The following KDELR2 variants were observed in gnomAD, a reference collection of about 807,000 sequenced individuals.
KDELR2 encodes ER lumen protein-retaining receptor 2.
A neutral mutation model predicts 23.9 loss-of-function variants in KDELR2; 15 were observed. The observed-to-expected ratio is 0.63, with a 90% CI of 0.42 to 0.97. The LOEUF (loss-of-function observed/expected upper bound fraction) is 0.97, where lower values mean the gene tolerates loss of function less well. Among genes scored for constraint, KDELR2 ranks in the 50% least tolerant of loss-of-function variants. KDELR2 has a pLI of 0.00. For missense variants in KDELR2, 272 were observed against 254.6 expected (o/e 1.07, Z -0.46); for synonymous variants, 119 against 106.2 (o/e 1.12, Z -0.74).
intron 2 of KDELR2, among the ~76,000 whole-genome samples, chr7:6,471,835 A>T (rs572627884): frequency 2.6e-5 from 4 of 152,174 alleles, no homozygotes; most frequent in African/African-American, 7.2e-5. Context: ...TGTGAATGTA[A>T]GTTTTCACTT....
At chr7:6,472,954 C>G (rs1394702176) in intron 2 of KDELR2, among the ~76,000 whole-genome samples, 1 of 144,234 alleles carries the variant, frequency 6.9e-6, no homozygotes, top group Non-Finnish European at 1.5e-5. Context: ...GGCTGCCAGG[C>G]TGGAGGGCAG....
chr7:6,482,685 C>A, intron 1 of KDELR2: 1 of 351,726 alleles, frequency 2.8e-6, no homozygotes, highest in South Asian at 2.1e-5. Flanking sequence ...CCAGATAATT[C>A]AGGATCATCT....
intron 1 of KDELR2, 40 bp downstream of exon 1, chr7:6,483,927 C>G: frequency 7.0e-7 from 1 of 1,427,972 alleles, no homozygotes; most frequent in Non-Finnish European, 9.3e-7. Context: ...AGACCCGGCC[C>G]CCACGCCCGA....
intron 3 of KDELR2, among the ~76,000 whole-genome samples, chr7:6,468,938 C>T (rs921730984): frequency 5.9e-5 from 9 of 151,622 alleles, no homozygotes; most frequent in African/African-American, 2.2e-4. Context: ...GCCACCAGGC[C>T]CAGACCTAAA....
chr7:6,462,942 T>TA lies in KDELR2; in HGVS notation c.*198dup, dbSNP rs1785418119. Reference sequence around the variant, plus strand: ...GTAAAAAAATCTTTGTACACAGTAATAAAAAAAGATAAGGCAAGATGCATT... The same window carrying TA: ...GTAAAAAAATCTTTGTACACAGTAATAAAAAAAAGATAAGGCAAGATGCATT... On this transcript the variant is annotated 3_prime_UTR_variant, in exon 5 of 5. Transcript: ENST00000258739. The TA allele has an allele frequency of 1.9e-6, 3 of 1,584,392 alleles. No homozygotes were observed. Among genetic ancestry groups the TA allele is most frequent in the South Asian group, 2.3e-5 (2 of 86,900 alleles).
intron 3 of KDELR2, among the ~76,000 whole-genome samples, 158 bp from the exon 4 acceptor site, chr7:6,466,481 G>A (rs1785507267): frequency 1.3e-5 from 2 of 152,122 alleles, no homozygotes; most frequent in Admixed American, 6.6e-5. Context: ...GCATAACCCA[G>A]TGGTCCCAGC....
At chr7:6,481,692 C>G (rs1332717762) in intron 1 of KDELR2, among the ~76,000 whole-genome samples, 2 of 152,100 alleles carry the variant, frequency 1.3e-5, no homozygotes, top group African/African-American at 4.8e-5. Flanking sequence ...TGCACTCCAG[C>G]CTGGGGGACA....
intron 4 of KDELR2, among the ~76,000 whole-genome samples, chr7:6,465,843 G>C (rs1472228461): frequency 6.6e-6 from 1 of 152,162 alleles, no homozygotes; most frequent in African/African-American, 2.4e-5. Context: ...AACACCAGAT[G>C]AATCTTTTAC....
chr7:6,471,949 G>A (rs1785654436), intron 2 of KDELR2, among the ~76,000 whole-genome samples: 2 of 151,148 alleles, frequency 1.3e-5, no homozygotes, highest in Non-Finnish European at 2.9e-5. Context: ...TCACCAGGCT[G>A]GAGTGCAGTG....
chr7:6,469,776 C>T (rs777523273), intron 2 of KDELR2, 22 bp from the exon 3 acceptor site: 3 of 1,595,820 alleles, frequency 1.9e-6, no homozygotes, highest in African/African-American at 2.7e-5. Flanking sequence ...AGAAAAAACA[C>T]CAGGTGTCAA....
chr7:6,473,432 G>A (rs1785693550), intron 2 of KDELR2, among the ~76,000 whole-genome samples: 2 of 152,136 alleles, frequency 1.3e-5, no homozygotes, highest in Admixed American at 6.6e-5. Context: ...TGAAGCTCAC[G>A]TAGTCCACAA....
At chr7:6,464,928 GT>G (rs968293388) in intron 4 of KDELR2, among the ~76,000 whole-genome samples, 2 of 151,782 alleles carry the variant, frequency 1.3e-5, no homozygotes, top group African/African-American at 4.8e-5. Flanking sequence ...TAGAGATGGG[GT>G]TTCGCCATGT....
At chr7:6,468,928 G>C (rs1037533691) in intron 3 of KDELR2, among the ~76,000 whole-genome samples, 1 of 151,208 alleles carries the variant, frequency 6.6e-6, no homozygotes, top group Non-Finnish European at 1.5e-5. Context: ...GGTGTGGTGA[G>C]CCACCAGGCC....
At chr7:6,483,899 G>A in intron 1 of KDELR2, 68 bp downstream of exon 1, 1 of 1,269,744 alleles carries the variant, frequency 7.9e-7, no homozygotes, top group Middle Eastern at 2.4e-4. Flanking sequence ...GGTGGCCGAG[G>A]TCGGCGGGTC....
At chr7:6,471,683 C>T (rs1236832376) in intron 2 of KDELR2, among the ~76,000 whole-genome samples, 17 of 152,108 alleles carry the variant, frequency 1.1e-4, no homozygotes, top group Non-Finnish European at 2.9e-5. Flanking sequence ...ATAATTTGTT[C>T]CTTTTTATAG....
chr7:6,469,258 T>C (rs537775065), intron 3 of KDELR2, among the ~76,000 whole-genome samples: 2 of 151,150 alleles, frequency 1.3e-5, no homozygotes, highest in South Asian at 4.2e-4. Context: ...AGCCATAACC[T>C]CTTTTTTCTT....
rs1481288854 is a variant in KDELR2 at position 6,467,320 on chromosome 7, C to G, written c.352-997G>C. Among the ~76,000 whole-genome samples, 4 of 152,318 alleles carry G rather than the reference C, an allele frequency of 2.6e-5. No individual in the cohort carries two copies. In the East Asian group the frequency reaches 7.7e-4, roughly 29 times the overall value. ...TTGCCAAACTACTGAAATATTTTCACTATTTTTCTTATTCCTTAAGCTTTC... is the reference window on the plus strand; with the variant it reads ...TTGCCAAACTACTGAAATATTTTCAGTATTTTTCTTATTCCTTAAGCTTTC... On this transcript the variant is annotated intron_variant, in intron 3 of 4. Coordinates refer to ENST00000258739, the MANE Select transcript of KDELR2 (RefSeq NM_006854.4).
chr7:6,470,011 A>C, intron 2 of KDELR2: 1 of 300,092 alleles, frequency 3.3e-6, no homozygotes, highest in Non-Finnish European at 6.2e-6. Flanking sequence ...TCGCAGTCAA[A>C]CTCCCCCAGG....
intron 3 of KDELR2, among the ~76,000 whole-genome samples, chr7:6,467,423 C>A (rs986462724): frequency 2.6e-5 from 4 of 152,084 alleles, no homozygotes; most frequent in African/African-American, 9.7e-5. Context: ...ACTTTATTCA[C>A]GATGATGATA....
Sources: gnomAD v4.1 joint callset for allele counts (sites outside exome capture counted in the v4.1 genomes callset) on GRCh38, gnomAD v4.1.1 for gene constraint, MANE v1.5 for transcripts, NCBI Gene and HGNC (gene_info 2026-07-23, HGNC 2026-07-21) for gene names.